ARFGEF1: variants seen among roughly 807,000 people sequenced by gnomAD.
ARFGEF1 encodes ARF guanine nucleotide exchange factor 1.
In ARFGEF1, 42 loss-of-function variants were observed where a neutral mutation model predicts 231.0. That is an observed-to-expected ratio of 0.18 (90% CI 0.14 to 0.24). The LOEUF (loss-of-function observed/expected upper bound fraction) is 0.24, where lower values mean the gene tolerates loss of function less well. ARFGEF1 is among the 10% of genes least tolerant of loss of function. The pLI is 1.00. For synonymous variants in ARFGEF1, 710 were observed against 732.3 expected (o/e 0.97, Z 0.49); for missense variants, 1,345 against 2,192.0 (o/e 0.61, Z 7.72).
chr8:67,254,659 C>A (rs1259788901), intron 17 of ARFGEF1, among the ~76,000 whole-genome samples: 1 of 152,054 alleles, frequency 6.6e-6, no homozygotes, highest in African/African-American at 2.4e-5. Context: ...AATCCTGTCT[C>A]AAACAAAAAC....
downstream of ARFGEF1, chr8:67,196,413 CTCAG>C (rs1398089344): frequency 1.3e-5 from 2 of 152,146 alleles, no homozygotes; most frequent in African/African-American, 2.4e-5. Context: ...TTTCTAATCA[CTCAG>C]TAAGTGATAC....
At chr8:67,222,186 T>TGTAC (rs1839197835) in intron 29 of ARFGEF1, among the ~76,000 whole-genome samples, 1 of 127,998 alleles carries the variant, frequency 7.8e-6, no homozygotes, top group Non-Finnish European at 1.6e-5. Flanking sequence ...TATACACATA[T>TGTAC]ATATATATAT....
At chr8:67,243,708 A>G (rs1256383220) in intron 19 of ARFGEF1, among the ~76,000 whole-genome samples, 2 of 152,226 alleles carry the variant, frequency 1.3e-5, no homozygotes, top group African/African-American at 2.4e-5. Flanking sequence ...CCAGACATCA[A>G]TGAACATCTG....
intron 10 of ARFGEF1, among the ~76,000 whole-genome samples, chr8:67,269,838 T>TA (rs1203622495): frequency 2.6e-5 from 4 of 152,142 alleles, no homozygotes; most frequent in Admixed American, 1.3e-4. Context: ...AGAAATTTCT[T>TA]AAAGTTTTTC....
chr8:67,222,188 T>TAC (rs1391506475), intron 29 of ARFGEF1, among the ~76,000 whole-genome samples: 4,220 of 135,896 alleles, frequency 0.031, 118 homozygotes, highest in African/African-American at 0.052. Flanking sequence ...TACACATATA[T>TAC]ATATATATAT....
intron 1 of ARFGEF1, among the ~76,000 whole-genome samples, chr8:67,321,712 A>G (rs1375184686): frequency 2.6e-5 from 4 of 152,066 alleles, no homozygotes; most frequent in Non-Finnish European, 4.4e-5. Flanking sequence ...CGCCCGCCTC[A>G]GCCTCCCAAA....
downstream of ARFGEF1, chr8:67,196,271 A>G (rs1837920044): frequency 6.6e-6 from 1 of 152,220 alleles, no homozygotes; most frequent in Non-Finnish European, 1.5e-5. Context: ...AAATCTTTTT[A>G]ACTACTATGG....
rs1302605345 is a variant in ARFGEF1, at chr8:67,236,395, T to A, written c.3289+1948A>T. Among the ~76,000 whole-genome samples the A allele has an allele frequency of 5.2e-4, 51 of 97,548 alleles. 2 individuals carry two copies. The highest frequency in any genetic ancestry group is 1.3e-3 in the South Asian group (3 of 2,294). 64.0% of individuals were successfully genotyped at this position (97,548 alleles called of 152,430 possible). A position where few individuals can be genotyped will look rare whatever the true frequency, so the allele number is the denominator to read the frequency against. On this transcript the variant is annotated intron_variant, in intron 22 of 38. Coordinates refer to ENST00000262215, the MANE Select transcript of ARFGEF1 (RefSeq NM_006421.5). ...ATATATATATATATATATATATATA[T>A]ATATATATATATATATGTATCCACT...
chr8:67,222,164 C>CATATATATATATAT (rs1333771303), intron 29 of ARFGEF1, among the ~76,000 whole-genome samples: 1 of 119,146 alleles, frequency 8.4e-6, no homozygotes, highest in African/African-American at 3.8e-5. Flanking sequence ...CTTTTCCATG[C>CATATATATATATAT]ATATATATAT....
chr8:67,186,015 A>T (rs1442784821), intron 5 of ARFGEF1, among the ~76,000 whole-genome samples: 1 of 152,238 alleles, frequency 6.6e-6, no homozygotes, highest in Non-Finnish European at 1.5e-5. Flanking sequence ...CCCAAAGTAG[A>T]AGCCAAGTTC....
At chr8:67,276,714 A>G (rs1244328401) in intron 8 of ARFGEF1, among the ~76,000 whole-genome samples, 2 of 152,120 alleles carry the variant, frequency 1.3e-5, no homozygotes, top group African/African-American at 4.8e-5. Context: ...AAATTTCTAA[A>G]AGTTTTCTCA....
At position 67,259,828 on chromosome 8, in the gene ARFGEF1, T is replaced by C; in HGVS notation, c.2222A>G (p.Glu741Gly). 6.2e-7 allele frequency: 1 copy of C among 1,603,180 alleles called. No homozygotes were observed. The highest frequency in any genetic ancestry group is 8.5e-7 in the Non-Finnish European group (1 of 1,173,486). ...EDIAQFLHQE[E>G]RLDSTQVGEF... ...TGGTATTCTTACAGAGTCTAATCTT[T>C]CCTCTTGATGTAAGAATTGGGCAAT... Residue 741 changes from glutamate to glycine, a missense_variant, in exon 15 of 39, where the codon GAA (glutamate) becomes GGA (glycine). Glu to Gly is a moderately conservative substitution (Grantham distance 98, BLOSUM62 -2). Around this residue, in one of 14 missense-constraint regions of ARFGEF1, gnomAD observed 105 missense variants for 159.3 expected, o/e 0.66. Coordinates refer to ENST00000262215, the MANE Select transcript of ARFGEF1 (RefSeq NM_006421.5).
rs539564594 is a variant in ARFGEF1, at chr8:67,304,654, C to T, written c.125-2188G>A. Among the ~76,000 whole-genome samples the T allele has an allele frequency of 2.7e-4, 41 of 152,204 alleles. 1 individual carries two copies. The highest frequency in any genetic ancestry group is 9.9e-4 in the African/African-American group (41 of 41,538). ...CCAGCCTGGCCAACATGGTGAAACC[C>T]CATGAAATACAAATATTAGCCGGGC... On this transcript the variant is annotated intron_variant, in intron 1 of 38. Transcript: ENST00000262215.
intron 7 of ARFGEF1, among the ~76,000 whole-genome samples, chr8:67,284,613 G>GA (rs1287016646): frequency 6.6e-6 from 1 of 152,152 alleles, no homozygotes; most frequent in African/African-American, 2.4e-5. Flanking sequence ...TCTTGTTGGG[G>GA]ATCTGGGTTT....
rs73693154 is a variant in ARFGEF1 at position 67,240,546 on chromosome 8, T to A, written c.2851-256A>T. Among the ~76,000 whole-genome samples, 19,989 of 152,074 alleles carry A rather than the reference T, an allele frequency of 0.13. 2,635 individuals carry two copies. Among genetic ancestry groups the A allele is most frequent in the African/African-American group, 0.34 (14,016 of 41,430 alleles). On this transcript the variant is annotated intron_variant, in intron 19 of 38. Coordinates refer to ENST00000262215, the MANE Select transcript of ARFGEF1 (RefSeq NM_006421.5). ...TACCTATAAATTATTCACATCAATT[T>A]AAAAATGGAAATAATCAATATTCAT...
intron 19 of ARFGEF1, among the ~76,000 whole-genome samples, chr8:67,243,593 C>T (rs1375607812): frequency 2.6e-5 from 4 of 152,128 alleles, no homozygotes; most frequent in South Asian, 2.1e-4. Context: ...ATAGCCAAAC[C>T]GTATCATCAA....
intron 1 of ARFGEF1, among the ~76,000 whole-genome samples, chr8:67,337,476 T>C (rs1278928985): frequency 1.3e-5 from 2 of 152,090 alleles, no homozygotes; most frequent in African/African-American, 2.4e-5. Context: ...ACCACCAACT[T>C]AGCCTAAGTC....
At chr8:67,247,218 A>G (rs1017751799) in intron 19 of ARFGEF1, among the ~76,000 whole-genome samples, 6 of 150,328 alleles carry the variant, frequency 4.0e-5, no homozygotes, top group Admixed American at 2.0e-4. Flanking sequence ...CAGAGTAGGA[A>G]GGAATATTTC....
intron 7 of ARFGEF1, among the ~76,000 whole-genome samples, chr8:67,282,794 G>C (rs1470165886): frequency 2.7e-5 from 4 of 150,328 alleles, no homozygotes; most frequent in African/African-American, 4.9e-5. Flanking sequence ...TTTGCAGTGA[G>C]CCAAGATCTT....
Sources: allele counts gnomAD v4.1 joint callset (sites outside exome capture counted in the v4.1 genomes callset), GRCh38; gene constraint gnomAD v4.1.1; regional missense constraint gnomAD v4.1.1; transcripts MANE v1.5; gene names NCBI Gene and HGNC (gene_info 2026-07-23, HGNC 2026-07-21).